RPS29: variants seen among roughly 807,000 people sequenced by gnomAD.
RPS29 encodes the protein ribosomal protein S29.
For missense variants in RPS29, 60 were observed against 75.7 expected, an observed-to-expected ratio of 0.79 and a Z score of 0.77; for synonymous variants, 37 against 26.9, an observed-to-expected ratio of 1.37 and a Z score of -1.16.
chr14:49,587,205 A>T (rs1181416458), upstream of RPS29, among the ~76,000 whole-genome samples: 1 of 152,220 alleles, frequency 6.6e-6, no homozygotes, highest in African/African-American at 2.4e-5. Flanking sequence ...AGTGTATTTG[A>T]TTCTTAAATG....
At chr14:49,586,419 A>C (rs1030435440), upstream of RPS29, 3 of 1,361,846 alleles carry the variant, frequency 2.2e-6, no homozygotes, top group Non-Finnish European at 3.2e-6. Context: ...TTTTTGAGAC[A>C]GTTTACCCAG....
upstream of RPS29, among the ~76,000 whole-genome samples, chr14:49,590,412 C>T (rs1881686148): frequency 6.6e-6 from 1 of 151,850 alleles, no homozygotes; most frequent in African/African-American, 2.4e-5. Flanking sequence ...GGAGGCAGAG[C>T]TTGCAGTGAG....
downstream of RPS29, among the ~76,000 whole-genome samples, chr14:49,581,676 G>GC (rs1881338245): frequency 2.0e-5 from 3 of 152,184 alleles, no homozygotes; most frequent in South Asian, 6.2e-4. Context: ...ACTACGCCCA[G>GC]CCCCTAAGAG....
chr14:49,596,916 TTC>T (rs1432118804), intron 1 of RPS29, among the ~76,000 whole-genome samples: 7 of 144,976 alleles, frequency 4.8e-5, no homozygotes, highest in Admixed American at 1.5e-4. Context: ...TTTTTTCTTC[TTC>T]TTTTTTTTTT....
chr14:49,581,149 TGCA>T (rs1165884480), downstream of RPS29, among the ~76,000 whole-genome samples: 10 of 150,840 alleles, frequency 6.6e-5, no homozygotes, highest in African/African-American at 2.4e-4. Flanking sequence ...ATCAAGCCAC[TGCA>T]GCACTCCAGC....
upstream of RPS29, among the ~76,000 whole-genome samples, chr14:49,591,179 A>G (rs1165769125): frequency 6.6e-6 from 1 of 152,236 alleles, no homozygotes; most frequent in Non-Finnish European, 1.5e-5. Flanking sequence ...ACATACATAC[A>G]TGCATACATT....
chr14:49,598,324 A>T (rs943485486), intron 1 of RPS29: 1 of 617,892 alleles, frequency 1.6e-6, no homozygotes, highest in Non-Finnish European at 2.9e-6. Context: ...AATCAAGAGT[A>T]CGAAGGCCTT....
chr14:49,598,490 A>G, exon 1 of RPS29: 2 of 702,378 alleles, frequency 2.8e-6, no homozygotes, highest in Non-Finnish European at 2.6e-6. Context: ...GTGCCTCCGG[A>G]GAGCAGCCAC....
At chr14:49,591,519 C>T (rs1881709625) in intron 1 of RPS29, among the ~76,000 whole-genome samples, 1 of 151,976 alleles carries the variant, frequency 6.6e-6, no homozygotes, top group South Asian at 2.1e-4. Context: ...ACCATGTTGG[C>T]CAGGCTGGTC....
At chr14:49,586,199 GC>G in intron 1 of RPS29, 85 bp downstream of exon 1, 1 of 1,457,600 alleles carries the variant, frequency 6.9e-7, no homozygotes, top group East Asian at 2.3e-5. Context: ...GCTCCCTCGT[GC>G]CGCCCGTGGC....
At chr14:49,572,525 T>C (rs1475637109) in exon 3 of RPS29, 2 of 152,208 alleles carry the variant, frequency 1.3e-5, no homozygotes, top group Non-Finnish European at 2.9e-5. Context: ...GAATAAATAA[T>C]TTTTTCCGAA....
At chr14:49,594,889 G>T (rs1480030043) in intron 1 of RPS29, among the ~76,000 whole-genome samples, 1 of 152,188 alleles carries the variant, frequency 6.6e-6, no homozygotes, top group Non-Finnish European at 1.5e-5. Flanking sequence ...CTCTGGCTCT[G>T]AGCCTCTGGA....
At chr14:49,585,703 G>A in intron 2 of RPS29, 2 of 504,442 alleles carry the variant, frequency 4.0e-6, no homozygotes, top group Non-Finnish European at 7.1e-6. Flanking sequence ...CCTAAAACTG[G>A]CTAAGCTATC....
At chr14:49,571,814 A>G (rs1033418722) in exon 3 of RPS29, 4 of 152,180 alleles carry the variant, frequency 2.6e-5, no homozygotes, top group African/African-American at 7.2e-5. Flanking sequence ...GTGTCTCTCC[A>G]TTGGCTGGTC....
downstream of RPS29, among the ~76,000 whole-genome samples, chr14:49,581,589 C>T (rs72678057): frequency 0.41 from 62,557 of 152,036 alleles, 15,115 homozygotes; most frequent in Non-Finnish European, 0.54. Context: ...CAACCACACC[C>T]GGCTAATTTT....
At chr14:49,574,946 T>G (rs750295661) in exon 3 of RPS29, 7 of 152,320 alleles carry the variant, frequency 4.6e-5, no homozygotes, top group Non-Finnish European at 8.8e-5. Flanking sequence ...CAGGGTCCAT[T>G]TGAGGTCCAC....
chr14:49,583,200 C>G (rs1000890247), downstream of RPS29, among the ~76,000 whole-genome samples: 4 of 152,012 alleles, frequency 2.6e-5, no homozygotes. Flanking sequence ...TATGTTAACT[C>G]AGAGAAAATA....
At position 49,583,646 on chromosome 14, in the gene RPS29, A is replaced by G. The variant is rs1349980309; in HGVS notation, c.*21T>C. ...TTTTCATTGAGTAGATGCCCCGGAT[A>G]ATCCTCTGAAGGAAGAGCATTTAGT... is the stretch of plus-strand genomic sequence containing the variant. On this transcript the variant is annotated 3_prime_UTR_variant, in exon 3 of 3. Coordinates refer to ENST00000245458, the MANE Select transcript of RPS29 (RefSeq NM_001032.5). The G allele has an allele frequency of 1.3e-6, 2 of 1,584,808 alleles. No individual in the cohort carries two copies. Among genetic ancestry groups the G allele is most frequent in the East Asian group, 4.5e-5 (2 of 44,704 alleles).
chr14:49,598,684 C>G (rs1031968956), upstream of RPS29: 8 of 700,176 alleles, frequency 1.1e-5, no homozygotes, highest in Non-Finnish European at 1.8e-5. Context: ...CGGAATCCTC[C>G]CCGAACAGAA....
Sources: allele counts gnomAD v4.1 joint callset (sites outside exome capture counted in the v4.1 genomes callset), GRCh38; gene constraint gnomAD v4.1.1; transcripts MANE v1.5; gene names NCBI Gene and HGNC (gene_info 2026-07-23, HGNC 2026-07-21).